Variants in RBFOX1 observed in about 807,000 individuals in gnomAD.
RBFOX1 encodes the protein RNA binding fox-1 homolog 1.
Under a neutral mutation model 57.7 loss-of-function variants are expected in RBFOX1, and 8 were observed. The ratio of observed to expected loss-of-function variants is 0.14; its 90% CI spans 0.08 to 0.25. The LOEUF is 0.25. Ranked by LOEUF, RBFOX1 falls within the 10% of genes least tolerant of loss-of-function variation. RBFOX1 has a pLI of 1.00. For missense variants in RBFOX1, 611 were observed against 548.5 expected, an observed-to-expected ratio of 1.11 and a Z score of -1.14; for synonymous variants, 326 against 222.4, an observed-to-expected ratio of 1.47 and a Z score of -4.15.
intron 1 of RBFOX1, among the ~76,000 whole-genome samples, chr16:5,334,527 A>G (rs916115178): frequency 2.0e-5 from 3 of 152,084 alleles, no homozygotes; most frequent in African/African-American, 7.2e-5. Flanking sequence ...TCTAGTAAAT[A>G]AAGGAAGATG....
At chr16:5,999,134 TC>T (rs1292564392) in intron 4 of RBFOX1, among the ~76,000 whole-genome samples, 1 of 152,216 alleles carries the variant, frequency 6.6e-6, no homozygotes, top group Non-Finnish European at 1.5e-5. Context: ...GTGGAAACTT[TC>T]TGAACAGTCC....
intron 3 of RBFOX1, among the ~76,000 whole-genome samples, chr16:5,809,080 CCCTACTTAA>C (rs1297523895): frequency 2.0e-4 from 31 of 152,268 alleles, no homozygotes; most frequent in African/African-American, 7.2e-4. Context: ...GGAAAGGATT[CCCTACTTAA>C]TAAATGGTGG....
At chr16:7,641,237 C>G (rs555019285) in intron 11 of RBFOX1, among the ~76,000 whole-genome samples, 1 of 152,160 alleles carries the variant, frequency 6.6e-6, no homozygotes, top group Non-Finnish European at 1.5e-5. Context: ...CTTCCCTTGC[C>G]TTATTTCTTT....
chr16:6,135,327 C>G (rs1421041010), intron 1 of RBFOX1, among the ~76,000 whole-genome samples: 1 of 152,178 alleles, frequency 6.6e-6, no homozygotes, highest in Non-Finnish European at 1.5e-5. Context: ...TACTTTGAAA[C>G]TCTTTAGGCT....
In RBFOX1 at chr16:6,094,262, C is replaced by T. The variant is rs372494924; in HGVS notation, c.-127+74270C>T. ...ACGGCCTCCTTGCATTTTATCATTC[C>T]CTGAGCCACCGTTCCAAAGGAAGAG... On this transcript the variant is annotated intron_variant, in intron 1 of 15. Transcript: ENST00000550418. Among the ~76,000 whole-genome samples the T allele has an allele frequency of 3.0e-4, 45 of 152,246 alleles. 2 individuals carry two copies. The highest frequency in any genetic ancestry group is 1.5e-3 in the East Asian group (8 of 5,176).
intron 1 of RBFOX1, among the ~76,000 whole-genome samples, chr16:5,301,802 T>C (rs1014893074): frequency 6.6e-6 from 1 of 152,102 alleles, no homozygotes; most frequent in Non-Finnish European, 1.5e-5. Context: ...AGATAACAAA[T>C]GTTTGCTGTT....
In RBFOX1 at chr16:6,322,002, C is replaced by G. The variant is rs538193673; in HGVS notation, c.-64+4945C>G. 3.3e-5 allele frequency among the ~76,000 whole-genome samples: 5 copies of G among 152,344 alleles called. No individual in the cohort carries two copies. The East Asian group carries it at 9.6e-4, about 29-fold the overall frequency. On this transcript the variant is annotated intron_variant, in intron 2 of 15. Transcript: ENST00000550418. ...ACTTGAAATCAGTCCACGTCTCACT[C>G]ATTGACCCATGGGCACCACTCTCTT...
chr16:5,387,476 T>G lies in RBFOX1; in HGVS notation c.220-79740T>G, dbSNP rs533125482. ...GGACATTGTCATGGCCCAGTGTGGCTACTGCTGCTCCAGTTATCACATCTG... is the reference window on the plus strand; with the variant it reads ...GGACATTGTCATGGCCCAGTGTGGCGACTGCTGCTCCAGTTATCACATCTG... On this transcript the variant is annotated intron_variant, in intron 1 of 2. Transcript: ENST00000585867. 2.0e-5 allele frequency among the ~76,000 whole-genome samples: 3 copies of G among 152,358 alleles called. No homozygotes were observed. In the East Asian group the frequency reaches 5.8e-4, roughly 29 times the overall value.
At chr16:7,125,173 G>T (rs1211899462) in intron 4 of RBFOX1, among the ~76,000 whole-genome samples, 2 of 152,192 alleles carry the variant, frequency 1.3e-5, no homozygotes, top group South Asian at 2.1e-4. Context: ...GGTGTTAAGT[G>T]TAAGGGCTTG....
chr16:6,251,360 G>T (rs2097609869), intron 1 of RBFOX1, among the ~76,000 whole-genome samples: 1 of 152,100 alleles, frequency 6.6e-6, no homozygotes, highest in Non-Finnish European at 1.5e-5. Flanking sequence ...CCTGTTACAG[G>T]AAGTTCAGAG....
At chr16:6,026,949 C>T (rs1265905772) in intron 1 of RBFOX1, among the ~76,000 whole-genome samples, 1 of 152,220 alleles carries the variant, frequency 6.6e-6, no homozygotes, top group Non-Finnish European at 1.5e-5. Context: ...CATCTAATCA[C>T]CGTCATCTGA....
chr16:5,291,527 G>C (rs954128677), intron 1 of RBFOX1, among the ~76,000 whole-genome samples: 7 of 152,144 alleles, frequency 4.6e-5, no homozygotes, highest in African/African-American at 1.7e-4. Context: ...GCCTCCCAAA[G>C]TGCTGGGATT....
intron 2 of RBFOX1, among the ~76,000 whole-genome samples, chr16:6,354,494 T>G (rs2152853718): frequency 6.6e-6 from 1 of 152,270 alleles, no homozygotes; most frequent in African/African-American, 2.4e-5. Flanking sequence ...TGTCCCTGAC[T>G]GATAGCTTCA....
At chr16:6,656,945 T>TCCTCTCCTCCCCTCTCCTCTCCTTTCCTC (rs1555659720) in intron 3 of RBFOX1, among the ~76,000 whole-genome samples, 4 of 8,346 alleles carry the variant, frequency 4.8e-4, no homozygotes, top group African/African-American at 1.5e-3. Context: ...CTCCTCCCCT[T>TCCTCTCCTCCCCTCTCCTCTCCTTTCCTC]TCCTCTCCTC....
intron 1 of RBFOX1, among the ~76,000 whole-genome samples, chr16:6,214,437 GGACAGAGAAGGTGAGAGGGAGAGC>G (rs1454745294): frequency 2.7e-5 from 4 of 145,990 alleles, no homozygotes; most frequent in African/African-American, 1.0e-4. Flanking sequence ...AGAGGGAGAA[GGACAGAGAAGGTGAGAGGGAGAGC>G]GACAGGGAGA....
intron 3 of RBFOX1, among the ~76,000 whole-genome samples, chr16:5,769,913 G>T (rs2053921370): frequency 6.6e-6 from 1 of 152,176 alleles, no homozygotes; most frequent in Non-Finnish European, 1.5e-5. Flanking sequence ...GCAGGATGTT[G>T]GGGGCAAGGA....
chr16:7,634,232 G>T (rs1284234051), intron 11 of RBFOX1, among the ~76,000 whole-genome samples: 2 of 152,122 alleles, frequency 1.3e-5, no homozygotes, highest in Non-Finnish European at 2.9e-5. Context: ...CCTCATTTCT[G>T]TTTAACAGCT....
intron 4 of RBFOX1, among the ~76,000 whole-genome samples, chr16:7,365,322 C>G (rs1004237931): frequency 2.0e-5 from 3 of 152,226 alleles, no homozygotes; most frequent in Admixed American, 6.5e-5. Flanking sequence ...TAGAGTATAT[C>G]TGAGACTGAG....
chr16:6,866,972 G>A (rs762862284), intron 3 of RBFOX1, among the ~76,000 whole-genome samples: 55 of 148,468 alleles, frequency 3.7e-4, no homozygotes, highest in Non-Finnish European at 2.1e-4. Flanking sequence ...ACTGTTTTAA[G>A]CATACAGAAA....
Sources: gnomAD v4.1 joint callset for allele counts (sites outside exome capture counted in the v4.1 genomes callset) on GRCh38, gnomAD v4.1.1 for gene constraint, MANE v1.5 for transcripts, NCBI Gene and HGNC (gene_info 2026-07-23, HGNC 2026-07-21) for gene names.